ADGRB3: variants seen among roughly 807,000 people sequenced by gnomAD.
The protein encoded by ADGRB3 is brain-specific angiogenesis inhibitor 3.
Under a neutral mutation model 193.4 loss-of-function variants are expected in ADGRB3, and 37 were observed. That is an observed-to-expected ratio of 0.19 (90% CI 0.15 to 0.25). ADGRB3 has a LOEUF of 0.25. Among genes scored for constraint, ADGRB3 ranks in the 10% least tolerant of loss-of-function variants. ADGRB3 has a pLI of 1.00. For missense variants in ADGRB3, 1,637 were observed against 1,852.9 expected (o/e 0.88, Z 2.14); for synonymous variants, 690 against 644.2 (o/e 1.07, Z -1.08).
chr6:68,921,815 AT>A (rs1767051488), intron 3 of ADGRB3, among the ~76,000 whole-genome samples: 2 of 151,958 alleles, frequency 1.3e-5, no homozygotes, highest in Admixed American at 1.3e-4. Flanking sequence ...ACAAAAAAAA[AT>A]CTATTAAAAT....
At chr6:69,310,164 T>G (rs953887680) in intron 20 of ADGRB3, among the ~76,000 whole-genome samples, 5 of 151,826 alleles carry the variant, frequency 3.3e-5, no homozygotes, top group Non-Finnish European at 2.9e-5. Flanking sequence ...CTTAATAGTC[T>G]TTCGGATTTT....
At chr6:69,109,207 A>T (rs1773300526) in intron 17 of ADGRB3, among the ~76,000 whole-genome samples, 1 of 152,188 alleles carries the variant, frequency 6.6e-6, no homozygotes, top group South Asian at 2.1e-4. Flanking sequence ...ACAAGGTTGA[A>T]TTTCTTTTGA....
chr6:68,897,667 AAAG>A (rs1177008839), intron 3 of ADGRB3, among the ~76,000 whole-genome samples: 1 of 129,290 alleles, frequency 7.7e-6, no homozygotes, highest in Non-Finnish European at 1.6e-5. Context: ...CGAAGGAAAG[AAAG>A]AAGGGAAAAA....
chr6:69,318,085 T>C (rs1768357416), intron 20 of ADGRB3, among the ~76,000 whole-genome samples: 1 of 151,434 alleles, frequency 6.6e-6, no homozygotes, highest in Admixed American at 6.6e-5. Context: ...TCTTTTCTTG[T>C]ATTGTTTTCG....
chr6:68,695,093 G>A (rs764868687), intron 3 of ADGRB3, among the ~76,000 whole-genome samples: 1 of 152,038 alleles, frequency 6.6e-6, no homozygotes, highest in Non-Finnish European at 1.5e-5. Flanking sequence ...GACTGAGAGA[G>A]TGAAGTTTTA....
intron 17 of ADGRB3, among the ~76,000 whole-genome samples, chr6:69,158,798 C>G (rs1729598955): frequency 1.3e-5 from 2 of 152,106 alleles, no homozygotes. Flanking sequence ...CATAAGAGCA[C>G]TTGAGGGAGC....
intron 17 of ADGRB3, 91 bp from the exon 18 acceptor site, chr6:69,233,199 A>G (rs1266333036): frequency 5.4e-6 from 8 of 1,488,196 alleles, no homozygotes; most frequent in Non-Finnish European, 7.3e-6. Flanking sequence ...ACAGTAGACG[A>G]CTCTCTCAAT....
intron 3 of ADGRB3, among the ~76,000 whole-genome samples, chr6:68,826,108 A>C (rs1023465752): frequency 6.6e-6 from 1 of 152,158 alleles, no homozygotes; most frequent in Admixed American, 6.5e-5. Context: ...AGTGCTAGGA[A>C]CACAAAAGTG....
chr6:68,738,108 T>A (rs1247802061), intron 3 of ADGRB3, among the ~76,000 whole-genome samples: 2 of 152,126 alleles, frequency 1.3e-5, no homozygotes, highest in Non-Finnish European at 2.9e-5. Context: ...GCCATGCTAA[T>A]GTTTTGGGAT....
intron 3 of ADGRB3, among the ~76,000 whole-genome samples, chr6:68,686,596 C>A (rs969662954): frequency 6.6e-6 from 1 of 152,164 alleles, no homozygotes; most frequent in East Asian, 1.9e-4. Context: ...TAGCACACAT[C>A]AGTGGAGTTT....
chr6:68,967,248 T>A (rs1392662145), intron 8 of ADGRB3, among the ~76,000 whole-genome samples: 1 of 152,210 alleles, frequency 6.6e-6, no homozygotes, highest in Non-Finnish European at 1.5e-5. Flanking sequence ...GTTTAAAAAA[T>A]TATTGACTTT....
At chr6:69,073,272 A>G (rs779733226) in intron 16 of ADGRB3, among the ~76,000 whole-genome samples, 2 of 152,146 alleles carry the variant, frequency 1.3e-5, no homozygotes, top group Non-Finnish European at 2.9e-5. Context: ...ATCAAAGGGC[A>G]GAAGCTGCAG....
chr6:68,687,274 T>A (rs1229839064), intron 3 of ADGRB3, among the ~76,000 whole-genome samples: 1 of 152,106 alleles, frequency 6.6e-6, no homozygotes, highest in Admixed American at 6.6e-5. Flanking sequence ...ATCACGTATT[T>A]TTCTTTTGAA....
chr6:69,018,299 T>C, intron 12 of ADGRB3, 92 bp from the exon 13 acceptor site: 1 of 716,808 alleles, frequency 1.4e-6, no homozygotes, highest in South Asian at 2.5e-5. Context: ...CAAAGCTCAT[T>C]TGTGATTTCA....
chr6:69,083,230 A>G (rs1772439086), intron 17 of ADGRB3, among the ~76,000 whole-genome samples: 1 of 152,206 alleles, frequency 6.6e-6, no homozygotes, highest in African/African-American at 2.4e-5. Flanking sequence ...CTTTGTGTAT[A>G]TATCTTTTAT....
At chr6:68,995,532 G>A (rs1433353328) in intron 11 of ADGRB3, among the ~76,000 whole-genome samples, 2 of 152,192 alleles carry the variant, frequency 1.3e-5, no homozygotes, top group Admixed American at 1.3e-4. Context: ...CAGTTGCTTA[G>A]TCATTGACAT....
At chr6:68,698,177 A>C (rs1244802114) in intron 3 of ADGRB3, among the ~76,000 whole-genome samples, 1 of 151,928 alleles carries the variant, frequency 6.6e-6, no homozygotes, top group Non-Finnish European at 1.5e-5. Context: ...AACCAATGAA[A>C]TACAAATTAT....
chr6:69,092,396 T>C (rs1772735026), intron 17 of ADGRB3, among the ~76,000 whole-genome samples: 1 of 152,180 alleles, frequency 6.6e-6, no homozygotes, highest in Non-Finnish European at 1.5e-5. Flanking sequence ...TTTATGTCTT[T>C]CACCAAATAG....
intron 17 of ADGRB3, among the ~76,000 whole-genome samples, chr6:69,084,146 T>G (rs1040756621): frequency 1.3e-5 from 2 of 152,168 alleles, no homozygotes; most frequent in Admixed American, 1.3e-4. Flanking sequence ...TGTTTGATCT[T>G]TCATCTTTTG....
Sources: gnomAD v4.1 joint callset for allele counts (sites outside exome capture counted in the v4.1 genomes callset) on GRCh38, gnomAD v4.1.1 for gene constraint, MANE v1.5 for transcripts, NCBI Gene and HGNC (gene_info 2026-07-23, HGNC 2026-07-21) for gene names.